PLXNA4: variants seen among roughly 807,000 people sequenced by gnomAD.
PLXNA4 encodes the protein plexin-A4.
A neutral mutation model predicts 191.8 loss-of-function variants in PLXNA4; 44 were observed. The observed-to-expected ratio is 0.23, with a 90% CI of 0.18 to 0.29. PLXNA4 has a LOEUF of 0.29. Among genes scored for constraint, PLXNA4 ranks in the 10% least tolerant of loss-of-function variants. PLXNA4 has a pLI of 1.00. For synonymous variants in PLXNA4, 1,082 were observed against 1,009.5 expected, an observed-to-expected ratio of 1.07 and a Z score of -1.36; for missense variants, 1,800 against 2,488.8, an observed-to-expected ratio of 0.72 and a Z score of 5.89.
chr7:132,189,670 A>T (rs1032890889), intron 14 of PLXNA4, among the ~76,000 whole-genome samples: 1 of 152,128 alleles, frequency 6.6e-6, no homozygotes, highest in African/African-American at 2.4e-5. Context: ...TGTAGGGCCC[A>T]AAGAGTGCAC....
chr7:132,179,776 C>A lies in PLXNA4; in HGVS notation c.3785G>T (p.Arg1262Leu), dbSNP rs763668879. 3 of 1,613,984 alleles carry A rather than the reference C, an allele frequency of 1.9e-6. No individual in the cohort carries two copies. The highest frequency in any genetic ancestry group is 1.1e-5 in the South Asian group (1 of 91,074). Residue 1262 changes from arginine to leucine, a missense_variant, in exon 20 of 32, where the codon CGC becomes CTC. Arg to Leu is a moderately radical substitution (Grantham distance 102). Transcript: ENST00000321063. ...CGTGAGGTCACTTTCGCGGGACTTG[C>A]GTTTATAGGCAATGAGCACGGCCAC... is the stretch of plus-strand genomic sequence containing the variant. ...FIVAVLIAYK[R>L]KSRESDLTLK...
chr7:132,249,947 C>T (rs1799187431), intron 4 of PLXNA4, among the ~76,000 whole-genome samples: 1 of 152,218 alleles, frequency 6.6e-6, no homozygotes, highest in South Asian at 2.1e-4. Context: ...GGTCTCAGCA[C>T]AGCCTCCTCC....
chr7:132,360,145 G>A (rs538828161), intron 3 of PLXNA4, among the ~76,000 whole-genome samples: 2 of 152,200 alleles, frequency 1.3e-5, no homozygotes, highest in Admixed American at 6.5e-5. Context: ...CACAGCTCCC[G>A]GGACCATTGC....
intron 14 of PLXNA4, among the ~76,000 whole-genome samples, chr7:132,188,580 G>T (rs1377304630): frequency 1.3e-4 from 20 of 152,072 alleles, no homozygotes; most frequent in Admixed American, 1.3e-3. Context: ...AGGGCACATG[G>T]GTGAGGAGAC....
At chr7:132,603,053 A>G (rs1171544621) in intron 2 of PLXNA4, among the ~76,000 whole-genome samples, 1 of 152,190 alleles carries the variant, frequency 6.6e-6, no homozygotes, top group Non-Finnish European at 1.5e-5. Context: ...GTACCCAGAA[A>G]AGAGCTGTTA....
chr7:132,189,030 A>AAG (rs3085197), intron 14 of PLXNA4, among the ~76,000 whole-genome samples: 1,050 of 61,992 alleles, frequency 0.017, 73 homozygotes, highest in Middle Eastern at 0.03. Context: ...GAGAGAGAGA[A>AAG]AGAGAGAGAG....
intron 20 of PLXNA4, among the ~76,000 whole-genome samples, chr7:132,176,615 T>TGTGTATGACG (rs1562899170): frequency 1.3e-5 from 2 of 151,794 alleles, no homozygotes; most frequent in African/African-American, 4.8e-5. Context: ...TGTGTATGAC[T>TGTGTATGACG]GCATGTGTGT....
Position 132,130,112 on chromosome 7 carries a change from A to G in PLXNA4, c.*367T>C, listed in dbSNP as rs1044442335. 4 of 231,840 alleles carry G rather than the reference A, an allele frequency of 1.7e-5. No individual in the cohort carries two copies. The highest frequency in any genetic ancestry group is 1.4e-4 in the Admixed American group (3 of 21,062). 14.4% of individuals were successfully genotyped at this position (231,840 alleles called of 1,614,324 possible). A position where few individuals can be genotyped will look rare whatever the true frequency, so the allele number is the denominator to read the frequency against. Reference sequence around the variant, plus strand: ...TGGAAGGTGAAGTAGCAGCACAGAAATGTCCCCTGTCCCTGGCTCCTCATT... The same window carrying G: ...TGGAAGGTGAAGTAGCAGCACAGAAGTGTCCCCTGTCCCTGGCTCCTCATT... On this transcript the variant is annotated 3_prime_UTR_variant, in exon 32 of 32. Coordinates refer to ENST00000321063, the MANE Select transcript of PLXNA4 (RefSeq NM_020911.2).
At chr7:132,263,018 T>C (rs1351652040) in intron 4 of PLXNA4, among the ~76,000 whole-genome samples, 1 of 152,166 alleles carries the variant, frequency 6.6e-6, no homozygotes, top group Non-Finnish European at 1.5e-5. Context: ...CTTTATGGCA[T>C]GTGACCCCTC....
intron 2 of PLXNA4, among the ~76,000 whole-genome samples, chr7:132,491,426 C>T (rs143842326): frequency 0.011 from 1,736 of 152,256 alleles, 16 homozygotes; most frequent in Non-Finnish European, 0.017. Context: ...GAGAAGGTGA[C>T]CTGCTCAGCA....
At chr7:132,456,713 G>T (rs978184956) in intron 3 of PLXNA4, among the ~76,000 whole-genome samples, 2 of 152,088 alleles carry the variant, frequency 1.3e-5, no homozygotes, top group African/African-American at 4.8e-5. Flanking sequence ...GGAGGGGAGG[G>T]GAGGAGGGCT....
intron 5 of PLXNA4, among the ~76,000 whole-genome samples, chr7:132,237,678 C>T (rs1346314477): frequency 6.6e-6 from 1 of 152,196 alleles, no homozygotes; most frequent in Non-Finnish European, 1.5e-5. Context: ...CTTGCCCTGA[C>T]AGAGCATCTT....
At chr7:132,606,273 T>C (rs893359654) in intron 2 of PLXNA4, among the ~76,000 whole-genome samples, 3 of 152,214 alleles carry the variant, frequency 2.0e-5, no homozygotes, top group African/African-American at 7.2e-5. Flanking sequence ...TGCAGTCACC[T>C]TGATTTTAGA....
In PLXNA4 at chr7:132,181,459, G is replaced by A. The variant is rs759754872; in HGVS notation, c.3414C>T (p.Tyr1138=). Residue 1138 remains tyrosine (Y), a synonymous_variant, in exon 18 of 32, where the codon TAC becomes TAT. Coordinates refer to ENST00000321063, the MANE Select transcript of PLXNA4 (RefSeq NM_020911.2). ...LLILNKTNFT[Y]YPNPVFEAFG... ...AGGCCTCAAACACCGGGTTGGGATA[G>A]TAGGTGAAGTTGGTCTTGTTGAGGA... is the stretch of plus-strand genomic sequence containing the variant. 4.3e-6 allele frequency: 7 copies of A among 1,614,056 alleles called. No homozygotes were observed. The highest frequency in any genetic ancestry group is 2.2e-5 in the East Asian group (1 of 44,890).
chr7:132,234,323 G>A (rs547757353), intron 5 of PLXNA4, among the ~76,000 whole-genome samples: 1 of 152,202 alleles, frequency 6.6e-6, no homozygotes, highest in Non-Finnish European at 1.5e-5. Flanking sequence ...TAGGCTTGGT[G>A]CAGGGGAGCA....
chr7:132,345,332 A>T lies in PLXNA4; in HGVS notation c.1372-47110T>A, dbSNP rs535984653. Among the ~76,000 whole-genome samples the T allele has an allele frequency of 6.6e-5, 10 of 152,334 alleles. 1 individual carries two copies. In the South Asian group the frequency reaches 2.1e-3, roughly 32 times the overall value. On this transcript the variant is annotated intron_variant, in intron 3 of 31. Coordinates refer to ENST00000321063, the MANE Select transcript of PLXNA4 (RefSeq NM_020911.2). ...ATTAACTCCAAGAAATCATCTGAAC[A>T]ATGGTGAACTATAATAATCTGTACA... is the stretch of plus-strand genomic sequence containing the variant.
At chr7:132,524,249 A>G (rs183249823) in intron 1 of PLXNA4, among the ~76,000 whole-genome samples, 110 of 152,340 alleles carry the variant, frequency 7.2e-4, no homozygotes, top group African/African-American at 2.6e-3. Context: ...AATTTTACTT[A>G]GGAACCTAGA....
chr7:132,407,648 T>C (rs953426562), intron 3 of PLXNA4, among the ~76,000 whole-genome samples: 7 of 152,186 alleles, frequency 4.6e-5, no homozygotes, highest in Non-Finnish European at 7.3e-5. Flanking sequence ...TCTCTCCTGG[T>C]GTGGAGGGTG....
intron 9 of PLXNA4, among the ~76,000 whole-genome samples, chr7:132,219,432 G>A (rs1374681015): frequency 6.6e-6 from 1 of 152,142 alleles, no homozygotes; most frequent in Non-Finnish European, 1.5e-5. Flanking sequence ...TAGACCAAAG[G>A]CCTCATTTTA....
Sources: allele counts gnomAD v4.1 joint callset (sites outside exome capture counted in the v4.1 genomes callset), GRCh38; gene constraint gnomAD v4.1.1; transcripts MANE v1.5; gene names NCBI Gene and HGNC (gene_info 2026-07-23, HGNC 2026-07-21).